SENP1: variants seen among roughly 807,000 people sequenced by gnomAD.
The protein encoded by SENP1 is SUMO specific peptidase 1, also known as sentrin-specific protease 1.
A neutral mutation model predicts 93.0 loss-of-function variants in SENP1; 21 were observed. That is an observed-to-expected ratio of 0.23 (90% CI 0.16 to 0.33). The LOEUF (loss-of-function observed/expected upper bound fraction) is 0.33, where lower values mean the gene tolerates loss of function less well. Ranked by LOEUF, SENP1 falls within the 10% of genes least tolerant of loss-of-function variation. SENP1 has a pLI of 1.00. For missense variants in SENP1, 591 were observed against 758.7 expected, an observed-to-expected ratio of 0.78 and a Z score of 2.60; for synonymous variants, 256 against 259.6, an observed-to-expected ratio of 0.99 and a Z score of 0.13.
At position 48,101,631 on chromosome 12, in the gene SENP1, T is replaced by G. The variant is rs562014972; in HGVS notation, c.-44-115A>C. ...TGTTTGTGTTCTTAGTGGAGAAAAA[T>G]CTAAGGTGGTAAAGAGTTGACTTGA... On this transcript the variant is annotated intron_variant, in intron 1 of 17. Coordinates refer to ENST00000549518, the MANE Select transcript of SENP1 (RefSeq NM_001267594.2). 8.0e-5 allele frequency: 48 copies of G among 598,402 alleles called. 1 individual carries two copies. In the South Asian group the frequency reaches 8.4e-4, roughly 10 times the overall value. The allele number at this position is 598,402 out of a possible 1,614,324, so 37.1% of individuals were successfully genotyped here.
chr12:48,094,998 T>C (rs1945458843), intron 4 of SENP1, among the ~76,000 whole-genome samples: 1 of 152,180 alleles, frequency 6.6e-6, no homozygotes. Context: ...GTAGTAGAGT[T>C]ACGTTTTGAG....
intron 12 of SENP1, among the ~76,000 whole-genome samples, chr12:48,064,677 T>TTG (rs1048400437): frequency 7.2e-5 from 11 of 152,096 alleles, no homozygotes; most frequent in East Asian, 1.9e-4. Context: ...CTATGGCTTT[T>TTG]TGTGTGTGTG....
In SENP1 at chr12:48,046,373, G is replaced by A. The variant is rs1592273328; in HGVS notation, c.1855C>T (p.Pro619Ser). 3 of 1,612,360 alleles carry A rather than the reference G, an allele frequency of 1.9e-6. No homozygotes were observed. The East Asian group carries it at 6.7e-5, about 36-fold the overall frequency. ...CAGCTCACCTGTGTGAAGTTGATTG[G>A]TCTGTCTTTGGTAATACAGTCAGCA... The part of the protein sequence containing the change: ...KYADCITKDR[P>S]INFTQQHMPY... Residue 619 changes from proline to serine, a missense_variant, in exon 17 of 18, where the codon CCA becomes TCA. Physicochemically the swap from Pro to Ser is moderately conservative, Grantham distance 74 (BLOSUM62 -1). Around this residue, in one of 4 missense-constraint regions of SENP1, gnomAD observed 132 missense variants for 230.1 expected, o/e 0.57. Transcript: ENST00000549518.
At position 48,056,913 on chromosome 12, in the gene SENP1, TATATA is replaced by T. The variant is rs1472580158; in HGVS notation, c.1407+6792_1407+6796del. ...ATTATTTAATATATTACATATTACA[TATATA>T]ATATATTATTTAATATATTACATAT... On this transcript the variant is annotated intron_variant, in intron 13 of 17. Transcript: ENST00000549518. Among the ~76,000 whole-genome samples, 4 of 47,834 alleles carry T rather than the reference TATATA, an allele frequency of 8.4e-5. 1 individual carries two copies. The highest frequency in any genetic ancestry group is 1.2e-4 in the Non-Finnish European group (4 of 33,754). The allele number at this position is 47,834 out of a possible 152,430, so 31.4% of individuals were successfully genotyped here. A position where few individuals can be genotyped will look rare whatever the true frequency, so the allele number is the denominator to read the frequency against.
chr12:48,047,136 G>C, intron 15 of SENP1, 74 bp from the exon 16 acceptor site: 2 of 898,366 alleles, frequency 2.2e-6, no homozygotes, highest in Non-Finnish European at 1.8e-6. Flanking sequence ...GAATGGGGCT[G>C]ACAATACCTA....
intron 13 of SENP1, among the ~76,000 whole-genome samples, chr12:48,059,525 C>A (rs564160815): frequency 6.6e-6 from 1 of 152,054 alleles, no homozygotes; most frequent in African/African-American, 2.4e-5. Flanking sequence ...TTTATAGTAA[C>A]TTTTTAAAAA....
intron 9 of SENP1, among the ~76,000 whole-genome samples, chr12:48,067,883 T>C (rs1280159805): frequency 3.9e-5 from 6 of 152,088 alleles, no homozygotes; most frequent in South Asian, 2.1e-4. Context: ...TGTTTGTTTT[T>C]TGACTCTCAC....
At chr12:48,096,870 C>A (rs1049732697) in intron 3 of SENP1, among the ~76,000 whole-genome samples, 38 of 152,116 alleles carry the variant, frequency 2.5e-4, no homozygotes, top group African/African-American at 8.7e-4. Context: ...TTTGCAAAGC[C>A]GAGGCAGAAG....
rs750217230 is a variant in SENP1 at position 48,065,642 on chromosome 12, C to T, written c.1073G>A (p.Arg358His). The change falls in exon 11 of 18, where the codon CGC (arginine) becomes CAC (histidine). Residue 358 changes from arginine (R) to histidine (H), a missense_variant. By Grantham distance (29) the Arg-to-His change is conservative (BLOSUM62 0). This residue lies in a region of SENP1 where 238 missense variants were observed against 259.1 expected (regional missense o/e 0.92). Coordinates refer to ENST00000549518, the MANE Select transcript of SENP1 (RefSeq NM_001267594.2). ...VYDSRARERL[R>H]QIEEQKALAL... ...CAATGCCTTCTGTTCTTCAATCTGG[C>T]GCAATCTTTCTCGTGCTCGAGAATC... 5.1e-6 allele frequency: 8 copies of T among 1,562,294 alleles called. No individual in the cohort carries two copies. Among genetic ancestry groups the T allele is most frequent in the South Asian group, 2.4e-5 (2 of 84,866 alleles).
intron 4 of SENP1, among the ~76,000 whole-genome samples, chr12:48,089,931 T>A (rs1304490921): frequency 6.6e-6 from 1 of 152,230 alleles, no homozygotes; most frequent in Non-Finnish European, 1.5e-5. Flanking sequence ...AAGTATTTAA[T>A]GTATCTTTTC....
chr12:48,073,929 T>C (rs1225234872), intron 8 of SENP1, among the ~76,000 whole-genome samples: 1 of 152,220 alleles, frequency 6.6e-6, no homozygotes, highest in Non-Finnish European at 1.5e-5. Context: ...AAGAATATCC[T>C]ATTTGTGGAT....
At chr12:48,098,273 G>A in intron 2 of SENP1, 149 bp from the exon 3 acceptor site, 1 of 763,988 alleles carries the variant, frequency 1.3e-6, no homozygotes. Context: ...GCTGAGGCAG[G>A]AGGATTTTTT....
At chr12:48,069,221 CAG>C (rs1465503051) in intron 9 of SENP1, among the ~76,000 whole-genome samples, 5 of 143,282 alleles carry the variant, frequency 3.5e-5, no homozygotes, top group Non-Finnish European at 4.5e-5. Flanking sequence ...ACCAAGTAGA[CAG>C]AGAGAGAAAG....
chr12:48,094,510 T>C (rs1012555807), intron 4 of SENP1, among the ~76,000 whole-genome samples: 4 of 151,912 alleles, frequency 2.6e-5, no homozygotes, highest in Non-Finnish European at 4.4e-5. Context: ...CGAAACCCCA[T>C]CTCTACTAAA....
At chr12:48,078,317 T>TTATATATATATATATATATATGTATATA (rs370021236) in intron 6 of SENP1, among the ~76,000 whole-genome samples, 1 of 70,742 alleles carries the variant, frequency 1.4e-5, no homozygotes, top group Non-Finnish European at 2.8e-5. Flanking sequence ...CTGTAGGATT[T>TTATATATATATATATATATATGTATATA]TATATATATA....
rs1240004296 is a variant in SENP1 at position 48,074,310 on chromosome 12, GA to G, written c.940+13del. The G allele has an allele frequency of 6.3e-7, 1 of 1,598,492 alleles. No individual in the cohort carries two copies. The highest frequency in any genetic ancestry group is 1.7e-5 in the Admixed American group (1 of 59,264). The stretch of plus-strand genomic sequence containing the variant: ...ATTAGGACTAAAAATGTAGTTATAT[GA>G]TACCATGTTTACCTTCAGATTGTGT... On this transcript the variant is annotated intron_variant, in intron 8 of 17. Transcript: ENST00000549518.
chr12:48,072,011 G>A (rs879630746), intron 8 of SENP1, among the ~76,000 whole-genome samples: 1 of 152,142 alleles, frequency 6.6e-6, no homozygotes, highest in Non-Finnish European at 1.5e-5. Context: ...CTTCCTGTCT[G>A]TTTCAGGAGA....
At chr12:48,064,984 C>T in intron 12 of SENP1, 81 bp downstream of exon 12, 1 of 1,076,852 alleles carries the variant, frequency 9.3e-7, no homozygotes. Context: ...ACCACTATTG[C>T]TTTTATGTTT....
intron 13 of SENP1, among the ~76,000 whole-genome samples, chr12:48,051,070 T>C (rs947772614): frequency 2.1e-5 from 3 of 146,176 alleles, no homozygotes; most frequent in African/African-American, 7.6e-5. Flanking sequence ...TCTGGAATCG[T>C]AAGTCTGAAG....
Sources: allele counts gnomAD v4.1 joint callset (sites outside exome capture counted in the v4.1 genomes callset), GRCh38; gene constraint gnomAD v4.1.1; regional missense constraint gnomAD v4.1.1; transcripts MANE v1.5; gene names NCBI Gene and HGNC (gene_info 2026-07-23, HGNC 2026-07-21).